STXBP4: variants seen among roughly 807,000 people sequenced by gnomAD.
The protein encoded by STXBP4 is syntaxin binding protein 4.
STXBP4 carries 55 observed loss-of-function variants against 76.1 expected under a neutral mutation model. That is an observed-to-expected ratio of 0.72 (90% CI 0.58 to 0.91). STXBP4 has a LOEUF of 0.91. Ranked by LOEUF, STXBP4 falls within the 40% of genes least tolerant of loss-of-function variation. The pLI, the probability that STXBP4 is intolerant of heterozygous loss-of-function variation, is 0.00. For synonymous variants in STXBP4, 201 were observed against 220.2 expected (o/e 0.91, Z 0.77); for missense variants, 618 against 636.9 (o/e 0.97, Z 0.32).
intron 9 of STXBP4, among the ~76,000 whole-genome samples, 180 bp from the exon 10 acceptor site, chr17:55,033,984 GAAGT>G (rs952246149): frequency 2.6e-4 from 39 of 152,246 alleles, no homozygotes; most frequent in Admixed American, 9.2e-4. Context: ...AAAGTTAACT[GAAGT>G]AAGTTCAGAC....
intron 17 of STXBP4, among the ~76,000 whole-genome samples, chr17:55,152,109 C>A (rs1465783733): frequency 6.6e-6 from 1 of 152,084 alleles, no homozygotes; most frequent in Non-Finnish European, 1.5e-5. Context: ...TTGTCTGATC[C>A]TCCATTATAA....
chr17:55,118,252 A>G (rs1210404714), intron 16 of STXBP4, among the ~76,000 whole-genome samples: 1 of 151,960 alleles, frequency 6.6e-6, no homozygotes, highest in Non-Finnish European at 1.5e-5. Context: ...GAAATGGAGG[A>G]AGGACAAGAA....
At chr17:55,097,862 T>C (rs1160953689) in intron 16 of STXBP4, among the ~76,000 whole-genome samples, 1 of 152,168 alleles carries the variant, frequency 6.6e-6, no homozygotes, top group Non-Finnish European at 1.5e-5. Flanking sequence ...ATAAGCTGGC[T>C]GAGTCTCATT....
chr17:55,207,036 G>A, the STXBP4 span, among the ~76,000 whole-genome samples: 6 of 151,994 alleles, frequency 3.9e-5, no homozygotes, highest in Admixed American at 3.9e-4. Context: ...TTACCCTCCT[G>A]CAACTTCTCA....
rs1224022568 is a variant in STXBP4, at chr17:55,167,341, T to TA, written c.*7436dup. 3 of 152,280 alleles carry TA rather than the reference T, an allele frequency of 2.0e-5. No homozygotes were observed. Among genetic ancestry groups the TA allele is most frequent in the South Asian group, 4.1e-4 (2 of 4,828 alleles). The allele number at this position is 152,280 out of a possible 1,614,324, so 9.4% of individuals were successfully genotyped here. On this transcript the variant is annotated 3_prime_UTR_variant, in exon 18 of 18. Coordinates refer to ENST00000376352, the MANE Select transcript of STXBP4 (RefSeq NM_178509.6). ...ATAAATTTAAAATGTAACATTAACA[T>TA]AAAAAACTCTTTTAGCTGTTTCCTG...
chr17:55,052,970 T>A (rs2078879737), intron 12 of STXBP4, among the ~76,000 whole-genome samples: 1 of 122,124 alleles, frequency 8.2e-6, no homozygotes, highest in African/African-American at 3.1e-5. Flanking sequence ...TCTTTAGAAA[T>A]GTCAATGCTA....
intron 16 of STXBP4, among the ~76,000 whole-genome samples, chr17:55,138,052 A>T (rs1281448482): frequency 1.3e-5 from 2 of 152,026 alleles, no homozygotes; most frequent in African/African-American, 4.8e-5. Context: ...GTTATTTGTT[A>T]TTAATCTTAT....
intron 16 of STXBP4, among the ~76,000 whole-genome samples, chr17:55,109,624 C>CTTTT (rs551292679): frequency 1.0e-4 from 12 of 114,372 alleles, no homozygotes; most frequent in African/African-American, 2.7e-4. Flanking sequence ...AACTCAATGT[C>CTTTT]TTTTTTTTTT....
Position 55,125,479 on chromosome 17 carries a change from C to CAAAAAAAAAA in STXBP4, c.1490-15819_1490-15810dup, listed in dbSNP as rs10632680. On this transcript the variant is annotated intron_variant, in intron 16 of 17. Transcript: ENST00000376352. ...CCTATTGTAAACCCTGGACAAAATA[C>CAAAAAAAAAA]AAAAAAAAAAAAAAAAAAAAATACA... is the stretch of plus-strand genomic sequence containing the variant. Among the ~76,000 whole-genome samples, 376 of 91,666 alleles carry CAAAAAAAAAA rather than the reference C, an allele frequency of 4.1e-3. 4 individuals are homozygous for CAAAAAAAAAA. Among genetic ancestry groups the CAAAAAAAAAA allele is most frequent in the African/African-American group, 9.1e-3 (238 of 26,036 alleles). 60.1% of individuals were successfully genotyped at this position (91,666 alleles called of 152,430 possible).
At position 54,968,772 on chromosome 17, in the gene STXBP4, A is replaced by G; in HGVS notation, c.-200A>G. On this transcript the variant is annotated 5_prime_UTR_variant, in exon 1 of 18. Coordinates refer to ENST00000376352, the MANE Select transcript of STXBP4 (RefSeq NM_178509.6). The stretch of plus-strand genomic sequence containing the variant: ...TTGGCTACCAGGCTCCTCAGGTGGC[A>G]GCGCTTGCAGTCGGGCTACGGAGGC... The G allele has an allele frequency of 3.5e-6, 4 of 1,148,386 alleles. No homozygotes were observed. Among genetic ancestry groups the G allele is most frequent in the Non-Finnish European group, 4.9e-6 (4 of 815,414 alleles). 71.1% of individuals were successfully genotyped at this position (1,148,386 alleles called of 1,614,324 possible).
At chr17:55,104,516 G>A (rs1367351396) in intron 16 of STXBP4, among the ~76,000 whole-genome samples, 1 of 152,176 alleles carries the variant, frequency 6.6e-6, no homozygotes, top group African/African-American at 2.4e-5. Context: ...TGTGCTGCTG[G>A]ATCCGGTTTG....
intron 11 of STXBP4, chr17:55,044,773 T>A (rs1006046827): frequency 4.6e-5 from 7 of 150,900 alleles, no homozygotes; most frequent in Non-Finnish European, 8.9e-5. Context: ...CCTTAAAAAA[T>A]TTTTTTCCAG....
At chr17:55,052,946 TGTGTGG>T (rs1598268908) in intron 12 of STXBP4, among the ~76,000 whole-genome samples, 1 of 138,758 alleles carries the variant, frequency 7.2e-6, no homozygotes, top group Admixed American at 7.2e-5. Context: ...TGTGTGTGTG[TGTGTGG>T]GTTGTATTCT....
chr17:54,992,414 C>CAA (rs769344668), intron 4 of STXBP4, among the ~76,000 whole-genome samples: 3 of 94,396 alleles, frequency 3.2e-5, no homozygotes, highest in African/African-American at 4.0e-5. Context: ...GACCCTGTCT[C>CAA]AAAAAAAAAA....
intron 12 of STXBP4, among the ~76,000 whole-genome samples, chr17:55,059,019 T>C (rs2078965682): frequency 6.6e-6 from 1 of 152,140 alleles, no homozygotes; most frequent in Admixed American, 6.6e-5. Context: ...TGCAATTGCA[T>C]TGTTCCAGTA....
chr17:55,090,142 T>C (rs1177786050), intron 16 of STXBP4, among the ~76,000 whole-genome samples: 1 of 151,912 alleles, frequency 6.6e-6, no homozygotes, highest in East Asian at 1.9e-4. Context: ...AAAGACAGGC[T>C]GGGGGTAGGG....
the STXBP4 span, among the ~76,000 whole-genome samples, chr17:55,203,407 T>C: frequency 6.6e-6 from 1 of 152,190 alleles, no homozygotes; most frequent in Non-Finnish European, 1.5e-5. Context: ...TGCATTGATG[T>C]CATTTTAAAA....
intron 1 of STXBP4, among the ~76,000 whole-genome samples, chr17:54,971,823 A>G (rs2077404303): frequency 6.7e-6 from 1 of 149,438 alleles, no homozygotes; most frequent in South Asian, 2.1e-4. Context: ...GAGAGACAAG[A>G]TCTTGCTGGG....
At chr17:55,192,075 T>G in the STXBP4 span, among the ~76,000 whole-genome samples, 1 of 152,192 alleles carries the variant, frequency 6.6e-6, no homozygotes, top group Non-Finnish European at 1.5e-5. Flanking sequence ...TATATAAGTT[T>G]GTGAATTATG....
Sources: gnomAD v4.1 joint callset for allele counts (sites outside exome capture counted in the v4.1 genomes callset) on GRCh38, gnomAD v4.1.1 for gene constraint, MANE v1.5 for transcripts, NCBI Gene and HGNC (gene_info 2026-07-23, HGNC 2026-07-21) for gene names.